ADAMTS17: variants seen among roughly 807,000 people sequenced by gnomAD.
The protein encoded by ADAMTS17 is A disintegrin and metalloproteinase with thrombospondin motifs 17.
In ADAMTS17, 113 loss-of-function variants were observed where a neutral mutation model predicts 141.5. The ratio of observed to expected loss-of-function variants is 0.80; its 90% confidence interval spans 0.69 to 0.93. ADAMTS17 has a LOEUF of 0.93. ADAMTS17 is among the 40% of genes least tolerant of loss of function. The pLI is 0.00. For synonymous variants in ADAMTS17, 768 were observed against 630.6 expected, an observed-to-expected ratio of 1.22 and a Z score of -3.27; for missense variants, 1,659 against 1,517.9, an observed-to-expected ratio of 1.09 and a Z score of -1.54.
chr15:100,215,410 T>C (rs1484561981), intron 7 of ADAMTS17, among the ~76,000 whole-genome samples: 3 of 152,186 alleles, frequency 2.0e-5, no homozygotes, highest in Admixed American at 1.3e-4. Context: ...AACTGTCCCA[T>C]TGTCATGGCA....
chr15:100,224,027 G>GT (rs1228264192), intron 7 of ADAMTS17, among the ~76,000 whole-genome samples: 1 of 152,004 alleles, frequency 6.6e-6, no homozygotes, highest in Middle Eastern at 3.2e-3. Context: ...TCCTTTTCAC[G>GT]TTTTTCTTAT....
At chr15:100,112,039 T>C (rs1048482393) in intron 13 of ADAMTS17, among the ~76,000 whole-genome samples, 1 of 152,246 alleles carries the variant, frequency 6.6e-6, no homozygotes, top group African/African-American at 2.4e-5. Flanking sequence ...CTTCCGAGTG[T>C]ATCCTCTGAT....
chr15:100,281,617 C>T (rs1567481488), intron 3 of ADAMTS17, among the ~76,000 whole-genome samples: 1 of 152,186 alleles, frequency 6.6e-6, no homozygotes, highest in Non-Finnish European at 1.5e-5. Context: ...GCTATGAGGC[C>T]AGATGAGGGG....
intron 15 of ADAMTS17, among the ~76,000 whole-genome samples, chr15:100,073,845 C>G (rs151283707): frequency 0.037 from 5,665 of 151,680 alleles, 148 homozygotes; most frequent in Non-Finnish European, 0.058. Context: ...AGCACACCAA[C>G]ATGGCACATG....
chr15:100,032,297 C>G (rs1423583690), intron 18 of ADAMTS17, among the ~76,000 whole-genome samples: 3 of 152,188 alleles, frequency 2.0e-5, no homozygotes, highest in Non-Finnish European at 4.4e-5. Flanking sequence ...AGGCACCCGT[C>G]AGCACCTCTC....
chr15:100,257,556 C>G (rs1175011357), intron 6 of ADAMTS17, among the ~76,000 whole-genome samples: 1 of 152,208 alleles, frequency 6.6e-6, no homozygotes, highest in Admixed American at 6.5e-5. Context: ...CAGCTAATAG[C>G]TATGCAAGAC....
intron 15 of ADAMTS17, among the ~76,000 whole-genome samples, chr15:100,078,552 T>C (rs186205734): frequency 2.8e-5 from 4 of 144,090 alleles, no homozygotes; most frequent in African/African-American, 5.8e-5. Flanking sequence ...TTTCAGACCA[T>C]ACAAAAAAAT....
chr15:100,129,551 C>T (rs1310255412), intron 12 of ADAMTS17: 1 of 152,228 alleles, frequency 6.6e-6, no homozygotes, highest in Non-Finnish European at 1.5e-5. Flanking sequence ...TGAGACCAGC[C>T]TGACCAACAT....
chr15:100,338,872 A>G, intron 2 of ADAMTS17: 2 of 816,954 alleles, frequency 2.4e-6, no homozygotes, highest in Non-Finnish European at 3.0e-6. Flanking sequence ...GCTAGTCTGC[A>G]ATGCAAACTT....
chr15:100,112,753 C>G (rs1399290684), intron 13 of ADAMTS17, among the ~76,000 whole-genome samples: 4 of 152,278 alleles, frequency 2.6e-5, no homozygotes, highest in South Asian at 4.1e-4. Flanking sequence ...AGCTGCAAAG[C>G]CTGGGGCCGG....
intron 6 of ADAMTS17, among the ~76,000 whole-genome samples, chr15:100,260,708 T>C (rs2141991866): frequency 6.6e-6 from 1 of 152,190 alleles, no homozygotes; most frequent in East Asian, 1.9e-4. Context: ...TACGATAAAG[T>C]TCTCCCTTCC....
intron 3 of ADAMTS17, among the ~76,000 whole-genome samples, chr15:100,321,509 A>G (rs867853784): frequency 1.6e-4 from 24 of 152,382 alleles, no homozygotes; most frequent in Admixed American, 3.3e-4. Context: ...CTAAGGGAAA[A>G]GAAACATCAA....
intron 3 of ADAMTS17, among the ~76,000 whole-genome samples, chr15:100,329,853 C>T (rs2045997596): frequency 6.6e-6 from 1 of 152,186 alleles, no homozygotes; most frequent in Non-Finnish European, 1.5e-5. Context: ...AACTTGTTTA[C>T]AAATAACAAG....
intron 15 of ADAMTS17, among the ~76,000 whole-genome samples, chr15:100,077,802 T>C (rs2034481207): frequency 6.6e-6 from 1 of 152,114 alleles, no homozygotes; most frequent in Non-Finnish European, 1.5e-5. Flanking sequence ...GCATACAGAT[T>C]GGAAAGAAGA....
chr15:99,993,685 C>CCGGGAGAAGGAGGAGGAGG lies in ADAMTS17; in HGVS notation c.2797-504_2797-486dup, dbSNP rs1247518543. Among the ~76,000 whole-genome samples, 1 of 152,144 alleles carries CCGGGAGAAGGAGGAGGAGG rather than the reference C, an allele frequency of 6.6e-6. No individual in the cohort carries two copies. Among genetic ancestry groups the CCGGGAGAAGGAGGAGGAGG allele is most frequent in the Non-Finnish European group, 1.5e-5 (1 of 68,036 alleles). The stretch of plus-strand genomic sequence containing the variant: ...GCCTGGGACAAACTCCTCGATCCAG[C>CCGGGAGAAGGAGGAGGAGG]CGGGAGAAGGAGGAGGAGGCGGCAG... On this transcript the variant is annotated intron_variant, in intron 19 of 21. Coordinates refer to ENST00000268070, the MANE Select transcript of ADAMTS17 (RefSeq NM_139057.4). This position sits in a 1 kb window ranked among gnomAD's most constrained non-coding sequence, Gnocchi z 4.3.
At chr15:99,986,795 C>T (rs1030318210) in intron 20 of ADAMTS17, among the ~76,000 whole-genome samples, 3 of 152,190 alleles carry the variant, frequency 2.0e-5, no homozygotes, top group East Asian at 1.9e-4. Context: ...GCCCGCCACC[C>T]CCAGAGTGGA....
intron 6 of ADAMTS17, among the ~76,000 whole-genome samples, chr15:100,261,210 A>C (rs2043504483): frequency 6.6e-6 from 1 of 152,188 alleles, no homozygotes; most frequent in Non-Finnish European, 1.5e-5. Context: ...AGGAAGAGGG[A>C]AGTCTGGACA....
In ADAMTS17 at chr15:100,062,234, C is replaced by CA. The variant is rs536981169; in HGVS notation, c.2138-8181dup. ...ACATGGATGTCAACTCCAGGGATGTCAAGGTCTTACCCTGGCAGCAGAAGC... is the reference window on the plus strand; with the variant it reads ...ACATGGATGTCAACTCCAGGGATGTCAAAGGTCTTACCCTGGCAGCAGAAGC... On this transcript the variant is annotated intron_variant, in intron 15 of 21. Transcript: ENST00000268070. Among the ~76,000 whole-genome samples, 394 of 152,282 alleles carry CA rather than the reference C, an allele frequency of 2.6e-3. 1 individual carries two copies. Among genetic ancestry groups the CA allele is most frequent in the South Asian group, 0.011 (51 of 4,818 alleles).
rs113332789 is a variant in ADAMTS17 at position 100,038,442 on chromosome 15, T to C, written c.2591+10415A>G. Reference sequence around the variant, plus strand: ...TTTGATAGAGATTGCACTAAATCTATAGATCAATTTGTAGAGTATTGTTAT... The same window carrying C: ...TTTGATAGAGATTGCACTAAATCTACAGATCAATTTGTAGAGTATTGTTAT... On this transcript the variant is annotated intron_variant, in intron 18 of 21. Coordinates refer to ENST00000268070, the MANE Select transcript of ADAMTS17 (RefSeq NM_139057.4). Among the ~76,000 whole-genome samples, 953 of 152,358 alleles carry C rather than the reference T, an allele frequency of 6.3e-3. 11 individuals are homozygous for C. Among genetic ancestry groups the C allele is most frequent in the African/African-American group, 0.021 (893 of 41,590 alleles).
Sources: gnomAD v4.1 joint callset for allele counts (sites outside exome capture counted in the v4.1 genomes callset) on GRCh38, gnomAD v4.1.1 for gene constraint, Gnocchi (gnomAD v3.1) non-coding constraint, MANE v1.5 for transcripts, NCBI Gene and HGNC (gene_info 2026-07-23, HGNC 2026-07-21) for gene names.